MAP4: variants seen among roughly 807,000 people sequenced by gnomAD.
The protein encoded by MAP4 is microtubule-associated protein 4.
Under a neutral mutation model 170.2 loss-of-function variants are expected in MAP4, and 76 were observed. The observed-to-expected ratio is 0.45, with a 90% CI of 0.37 to 0.54. The LOEUF is 0.54. Ranked by LOEUF, MAP4 falls within the 20% of genes least tolerant of loss-of-function variation. The pLI is 0.00. For missense variants in MAP4, 2,506 were observed against 2,748.0 expected (o/e 0.91, Z 1.97); for synonymous variants, 909 against 994.5 (o/e 0.91, Z 1.62).
rs543488752 is a variant in MAP4, at chr3:47,872,193, T to C, written c.5758-93A>G. The C allele has an allele frequency of 5.6e-6, 7 of 1,245,756 alleles. No homozygotes were observed. In the East Asian group the frequency reaches 7.1e-5, roughly 13 times the overall value. The allele number at this position is 1,245,756 out of a possible 1,614,324, so 77.2% of individuals were successfully genotyped here. On this transcript the variant is annotated intron_variant, in intron 12 of 20. Coordinates refer to ENST00000683076, the MANE Select transcript of MAP4 (RefSeq NM_001385682.1). ...TGCTTCTTTTTTTGTTTGTTTTGTT[T>C]TGTTTTTGGAGACGAAGTCTCACTC...
intron 1 of MAP4, among the ~76,000 whole-genome samples, chr3:48,007,286 T>C (rs1008505828): frequency 1.3e-5 from 2 of 152,228 alleles, no homozygotes; most frequent in Admixed American, 6.5e-5. Context: ...TGTTGAGATA[T>C]TCCCTTTAAG....
intron 3 of MAP4, among the ~76,000 whole-genome samples, chr3:47,929,097 T>C (rs1349869285): frequency 1.3e-5 from 2 of 152,204 alleles, no homozygotes; most frequent in African/African-American, 4.8e-5. Context: ...TCACCACCTG[T>C]AATCCCAACA....
intron 3 of MAP4, among the ~76,000 whole-genome samples, chr3:47,938,923 C>T (rs751992459): frequency 2.6e-5 from 4 of 152,332 alleles, no homozygotes; most frequent in South Asian, 2.1e-4. Context: ...AACATTATTA[C>T]GGCAAATGTT....
At chr3:47,937,660 T>C (rs1471627789) in intron 3 of MAP4, among the ~76,000 whole-genome samples, 6 of 141,490 alleles carry the variant, frequency 4.2e-5, no homozygotes, top group South Asian at 2.5e-4. Flanking sequence ...CTTCTTCTTT[T>C]TTTTTTTTTT....
chr3:48,000,482 A>G (rs1402107781), intron 1 of MAP4, among the ~76,000 whole-genome samples: 1 of 152,074 alleles, frequency 6.6e-6, no homozygotes, highest in African/African-American at 2.4e-5. Flanking sequence ...TATTCTTCCT[A>G]TCTCCCCTAA....
intron 8 of MAP4, 140 bp from the exon 9 acceptor site, chr3:47,912,561 T>C (rs745790696): frequency 1.6e-6 from 1 of 631,666 alleles, no homozygotes; most frequent in Non-Finnish European, 2.4e-6. Flanking sequence ...CTTACTGTAA[T>C]TTGCTCAGGA....
chr3:47,996,075 C>G (rs2100095385), intron 2 of MAP4, among the ~76,000 whole-genome samples: 1 of 152,170 alleles, frequency 6.6e-6, no homozygotes, highest in African/African-American at 2.4e-5. Flanking sequence ...ACAGAGCCTC[C>G]CTCCATGGTA....
intron 15 of MAP4, among the ~76,000 whole-genome samples, chr3:47,869,586 A>T (rs2087285444): frequency 6.6e-6 from 1 of 152,186 alleles, no homozygotes; most frequent in Non-Finnish European, 1.5e-5. Context: ...GCTAATGAAG[A>T]AAAGGCACAA....
intron 8 of MAP4, among the ~76,000 whole-genome samples, chr3:47,914,151 A>G: frequency 6.6e-6 from 1 of 152,208 alleles, no homozygotes. Flanking sequence ...TTTATATTAT[A>G]GCTAAGTAAA....
rs376511605 is a variant in MAP4, at chr3:47,858,939, T to C, written c.6502-1427A>G. On this transcript the variant is annotated intron_variant, in intron 17 of 20. Transcript: ENST00000683076. Reference sequence around the variant, plus strand: ...GTCAGGAGATCGAGACCATCCTGGCTAACATGGTGAAACCCCGTCTCTACT... The same window carrying C: ...GTCAGGAGATCGAGACCATCCTGGCCAACATGGTGAAACCCCGTCTCTACT... Among the ~76,000 whole-genome samples, 36 of 152,098 alleles carry C rather than the reference T, an allele frequency of 2.4e-4. 1 individual carries two copies. Among genetic ancestry groups the C allele is most frequent in the South Asian group, 1.0e-3 (5 of 4,804 alleles).
At chr3:48,066,164 T>C (rs1360380447) in intron 1 of MAP4, among the ~76,000 whole-genome samples, 1 of 152,076 alleles carries the variant, frequency 6.6e-6, no homozygotes. Flanking sequence ...AGGGGATATA[T>C]ACTCATGAAA....
intron 18 of MAP4, among the ~76,000 whole-genome samples, chr3:47,856,982 C>T (rs76013719): frequency 0.017 from 2,529 of 152,346 alleles, 83 homozygotes; most frequent in African/African-American, 0.058. Context: ...TTGCTGAACG[C>T]CTCCCATTCT....
chr3:47,877,456 C>T lies in MAP4; in HGVS notation c.5502G>A (p.Pro1834=). 10 of 1,614,016 alleles carry T rather than the reference C, an allele frequency of 6.2e-6. No homozygotes were observed. Among genetic ancestry groups the T allele is most frequent in the South Asian group, 3.3e-5 (3 of 91,046 alleles). The stretch of plus-strand genomic sequence containing the variant: ...CTGGGCTTGGTGGGAGCTCCTTGTT[C>T]GGTGGGGTGGTGATGTCATTTCCTG... The part of the protein sequence containing the change: ...SGTGNDITTP[P]NKELPPSPEK... The change falls in exon 11 of 21, where the codon CCG becomes CCA. Residue 1834 remains proline, a synonymous_variant. Coordinates refer to ENST00000683076, the MANE Select transcript of MAP4 (RefSeq NM_001385682.1).
Position 47,911,698 on chromosome 3 carries a change from T to C in MAP4, c.2723A>G (p.His908Arg), listed in dbSNP as rs1444809540. 2 of 1,535,946 alleles carry C rather than the reference T, an allele frequency of 1.3e-6. No homozygotes were observed. Among genetic ancestry groups the C allele is most frequent in the Non-Finnish European group, 1.7e-6 (2 of 1,146,888 alleles). ...GCTTTTATCTACAGGAGTCTTCAGG[T>C]GGGGTGCAGGCTGTGGTTTGTATTC... ...QHEYKPQPAP[H>R]LKTPVDKSQS... Residue 908 changes from histidine (H) to arginine (R), a missense_variant, in exon 9 of 21, where the codon CAC (histidine) becomes CGC (arginine). Transcript: ENST00000683076. The surrounding 1 kb of genome is among the most constrained non-coding windows in gnomAD (Gnocchi z 4.0).
intron 1 of MAP4, among the ~76,000 whole-genome samples, chr3:48,046,804 A>C (rs563427337): frequency 6.6e-6 from 1 of 152,320 alleles, no homozygotes; most frequent in African/African-American, 2.4e-5. Flanking sequence ...TCTATAAAAT[A>C]AAAATGTTAG....
At chr3:47,924,818 T>A (rs1311940040) in intron 4 of MAP4, among the ~76,000 whole-genome samples, 3 of 149,636 alleles carry the variant, frequency 2.0e-5, no homozygotes, top group African/African-American at 4.9e-5. Flanking sequence ...GCTACGATAT[T>A]TTTTTTTTTT....
At chr3:47,897,809 G>A (rs1470810804) in intron 10 of MAP4, among the ~76,000 whole-genome samples, 2 of 151,744 alleles carry the variant, frequency 1.3e-5, no homozygotes, top group Non-Finnish European at 2.9e-5. Flanking sequence ...GGGTGTGGTG[G>A]CAGGTACCTG....
At chr3:47,913,856 GT>G (rs140444852) in intron 8 of MAP4, among the ~76,000 whole-genome samples, 2,234 of 152,218 alleles carry the variant, frequency 0.015, 53 homozygotes, top group Non-Finnish European at 0.013. Context: ...AGAAAATCAA[GT>G]TGATAATCAT....
intron 3 of MAP4, among the ~76,000 whole-genome samples, chr3:47,929,144 C>A (rs1401289924): frequency 6.6e-6 from 1 of 152,094 alleles, no homozygotes; most frequent in African/African-American, 2.4e-5. Context: ...ACTTTGAGGT[C>A]AGGAGTTCGA....
Sources: gnomAD v4.1 joint callset for allele counts (sites outside exome capture counted in the v4.1 genomes callset) on GRCh38, gnomAD v4.1.1 for gene constraint, Gnocchi (gnomAD v3.1) non-coding constraint, MANE v1.5 for transcripts, NCBI Gene and HGNC (gene_info 2026-07-23, HGNC 2026-07-21) for gene names.